Variants in CMIP observed in about 807,000 individuals in gnomAD.
The protein encoded by CMIP is C-Maf-inducing protein.
A neutral mutation model predicts 97.3 loss-of-function variants in CMIP; 13 were observed. That is an observed-to-expected ratio of 0.13 (90% confidence interval 0.09 to 0.21). The LOEUF is 0.21. CMIP is among the 10% of genes least tolerant of loss of function. The pLI, the probability that CMIP is intolerant of heterozygous loss-of-function variation, is 1.00. For missense variants in CMIP, 847 were observed against 1,024.9 expected (o/e 0.83, Z 2.37); for synonymous variants, 538 against 436.3 (o/e 1.23, Z -2.91).
At chr16:81,656,423 C>G (rs964126306) in intron 4 of CMIP, among the ~76,000 whole-genome samples, 1 of 152,320 alleles carries the variant, frequency 6.6e-6, no homozygotes, top group Non-Finnish European at 1.5e-5. Context: ...CAATGTGGCT[C>G]TTTTAGGAAA....
rs1229517231 is a variant in CMIP, at chr16:81,445,110, C to A, written c.-132C>A. On this transcript the variant is annotated 5_prime_UTR_variant, in exon 1 of 21. Coordinates refer to ENST00000537098, the MANE Select transcript of CMIP (RefSeq NM_198390.3). The stretch of plus-strand genomic sequence containing the variant: ...GGCAGCGCCCCCTCCCCTGCGGGCG[C>A]CCCCAGCCCCACACCCCCCCACCTT... 2.7e-6 allele frequency: 1 copy of A among 366,372 alleles called. No homozygotes were observed. Among genetic ancestry groups the A allele is most frequent in the Non-Finnish European group, 4.7e-6 (1 of 212,142 alleles). The allele number at this position is 366,372 out of a possible 1,614,324, so 22.7% of individuals were successfully genotyped here. A position where few individuals can be genotyped will look rare whatever the true frequency, so the allele number is the denominator to read the frequency against.
At chr16:81,479,140 C>A (rs1908107419) in intron 1 of CMIP, among the ~76,000 whole-genome samples, 1 of 152,168 alleles carries the variant, frequency 6.6e-6, no homozygotes, top group Non-Finnish European at 1.5e-5. Flanking sequence ...GTTTTCTTTG[C>A]TTAATCTGGC....
At chr16:81,486,564 G>A (rs776906232) in intron 1 of CMIP, among the ~76,000 whole-genome samples, 3 of 152,208 alleles carry the variant, frequency 2.0e-5, no homozygotes, top group Non-Finnish European at 4.4e-5. Flanking sequence ...GACTCTCCAA[G>A]CAGACCGCCG....
intron 2 of CMIP, among the ~76,000 whole-genome samples, chr16:81,615,496 G>A (rs1326364068): frequency 6.9e-6 from 1 of 145,442 alleles, no homozygotes; most frequent in East Asian, 2.1e-4. Context: ...GTGTGTGTGT[G>A]GTGTGTGTGT....
At chr16:81,687,400 C>CA (rs1454443016) in intron 10 of CMIP, among the ~76,000 whole-genome samples, 1 of 152,208 alleles carries the variant, frequency 6.6e-6, no homozygotes, top group Non-Finnish European at 1.5e-5. Context: ...TCTGGGCCCT[C>CA]AGAGGTGCCC....
At chr16:81,520,569 GGAGAGAGAGAGAGAGAGA>G (rs10691618) in intron 1 of CMIP, 3 of 106,950 alleles carry the variant, frequency 2.8e-5, no homozygotes, top group Admixed American at 9.7e-5. Flanking sequence ...GGAGGAAGGG[GGAGAGAGAGAGAGAGAGA>G]GAGAGAGAGA....
intron 1 of CMIP, chr16:81,518,952 C>T (rs2089969012): frequency 6.6e-6 from 1 of 151,776 alleles, no homozygotes; most frequent in African/African-American, 2.4e-5. Context: ...TTATCTGCCT[C>T]AGCCTCCTGA....
At chr16:81,702,030 C>A (rs1293133233) in intron 16 of CMIP, among the ~76,000 whole-genome samples, 3 of 152,224 alleles carry the variant, frequency 2.0e-5, no homozygotes, top group Non-Finnish European at 2.9e-5. Flanking sequence ...ACATTGCCCA[C>A]CCTCCCTCCT....
chr16:81,530,062 G>A (rs142994183), intron 1 of CMIP, among the ~76,000 whole-genome samples: 2 of 152,322 alleles, frequency 1.3e-5, no homozygotes, highest in East Asian at 3.9e-4. Flanking sequence ...TCATCACTGC[G>A]TGAAAACCTT....
At chr16:81,448,924 A>G (rs1906035488) in intron 1 of CMIP, among the ~76,000 whole-genome samples, 1 of 152,146 alleles carries the variant, frequency 6.6e-6, no homozygotes, top group Non-Finnish European at 1.5e-5. Context: ...CTGGCTCTTC[A>G]TGGCTGGTGA....
At chr16:81,641,958 A>C (rs1421857545) in intron 3 of CMIP, among the ~76,000 whole-genome samples, 2 of 152,194 alleles carry the variant, frequency 1.3e-5, no homozygotes, top group African/African-American at 4.8e-5. Context: ...TGCATGACTT[A>C]CCTCACTCAG....
chr16:81,669,188 C>G (rs1181428040), intron 7 of CMIP, among the ~76,000 whole-genome samples: 1 of 136,628 alleles, frequency 7.3e-6, no homozygotes, highest in Non-Finnish European at 1.6e-5. Context: ...ACCCACCTCT[C>G]ACCTTCCACA....
At chr16:81,573,937 A>G (rs2091142343) in intron 1 of CMIP, among the ~76,000 whole-genome samples, 1 of 151,618 alleles carries the variant, frequency 6.6e-6, no homozygotes, top group Non-Finnish European at 1.5e-5. Context: ...CCTACCCTCC[A>G]TTTTCTACCA....
chr16:81,596,379 G>A (rs929301594), intron 1 of CMIP, among the ~76,000 whole-genome samples: 11 of 151,864 alleles, frequency 7.2e-5, no homozygotes, highest in African/African-American at 2.4e-4. Flanking sequence ...GGTGGGGCAC[G>A]CCTATAGTCC....
chr16:81,592,352 C>T (rs571467999), intron 1 of CMIP, among the ~76,000 whole-genome samples: 84 of 152,314 alleles, frequency 5.5e-4, no homozygotes, highest in African/African-American at 1.8e-3. Flanking sequence ...AGACCAGGGT[C>T]GCACAAACTC....
chr16:81,535,197 G>A (rs1378019156), intron 1 of CMIP, among the ~76,000 whole-genome samples: 2 of 152,132 alleles, frequency 1.3e-5, no homozygotes, highest in African/African-American at 4.8e-5. Flanking sequence ...TGATCTGCCT[G>A]CCTCAACCTC....
intron 1 of CMIP, among the ~76,000 whole-genome samples, chr16:81,484,953 C>CT (rs148346622): frequency 0.045 from 6,820 of 151,506 alleles, 181 homozygotes; most frequent in Non-Finnish European, 0.063. Flanking sequence ...CTGAAAACCT[C>CT]TTTTTTTTTC....
intron 3 of CMIP, among the ~76,000 whole-genome samples, chr16:81,644,925 G>C (rs541640350): frequency 2.6e-5 from 4 of 152,282 alleles, no homozygotes; most frequent in Admixed American, 2.0e-4. Context: ...CCTCAGCATC[G>C]ATGGGTAGAG....
chr16:81,580,399 T>C (rs185575174), intron 1 of CMIP, among the ~76,000 whole-genome samples: 1 of 152,248 alleles, frequency 6.6e-6, no homozygotes, highest in East Asian at 1.9e-4. Flanking sequence ...ACTTAATTTA[T>C]TTTGGGTTTG....
Sources: allele counts gnomAD v4.1 joint callset (sites outside exome capture counted in the v4.1 genomes callset), GRCh38; gene constraint gnomAD v4.1.1; transcripts MANE v1.5; gene names NCBI Gene and HGNC (gene_info 2026-07-23, HGNC 2026-07-21).